The following KCNT2 variants were observed in gnomAD, a reference collection of about 807,000 sequenced individuals.
KCNT2 encodes potassium channel subfamily T member 2.
In KCNT2, 67 loss-of-function variants were observed where a neutral mutation model predicts 153.8. The ratio of observed to expected loss-of-function variants is 0.44; its 90% confidence interval spans 0.36 to 0.53. The LOEUF (loss-of-function observed/expected upper bound fraction) is 0.53, where lower values mean the gene tolerates loss of function less well. Among genes scored for constraint, KCNT2 ranks in the 20% least tolerant of loss-of-function variants. The pLI, the probability that KCNT2 is intolerant of heterozygous loss-of-function variation, is 0.00. For missense variants in KCNT2, 975 were observed against 1,354.8 expected, an observed-to-expected ratio of 0.72 and a Z score of 4.40; for synonymous variants, 500 against 458.8, an observed-to-expected ratio of 1.09 and a Z score of -1.15.
In KCNT2 at chr1:196,463,053, A is replaced by C. The variant is rs568178582; in HGVS notation, c.638+2240T>G. Among the ~76,000 whole-genome samples, 16 of 151,862 alleles carry C rather than the reference A, an allele frequency of 1.1e-4. No individual in the cohort carries two copies. The East Asian group carries it at 2.5e-3, about 24-fold the overall frequency. On this transcript the variant is annotated intron_variant, in intron 8 of 27. Coordinates refer to ENST00000294725, the MANE Select transcript of KCNT2 (RefSeq NM_198503.5). ...AGGGCAGCCATCTTGAACCATAGAC[A>C]GAAACCATGTTTTGAAAAATGGAAG...
intron 1 of KCNT2, among the ~76,000 whole-genome samples, chr1:196,592,413 A>T (rs1008199463): frequency 6.7e-6 from 1 of 149,408 alleles, no homozygotes; most frequent in African/African-American, 2.4e-5. Flanking sequence ...CCAAAGATAA[A>T]AAAGATATAT....
At chr1:196,443,981 C>T (rs1253427682) in intron 8 of KCNT2, among the ~76,000 whole-genome samples, 1 of 150,362 alleles carries the variant, frequency 6.7e-6, no homozygotes, top group African/African-American at 2.4e-5. Context: ...AGATATATTC[C>T]CAAAAGAAAA....
At chr1:196,568,496 T>C (rs1317266363) in intron 1 of KCNT2, among the ~76,000 whole-genome samples, 4 of 150,536 alleles carry the variant, frequency 2.7e-5, no homozygotes, top group African/African-American at 9.8e-5. Flanking sequence ...CACGGAAGCC[T>C]GAGGCAGGAA....
chr1:196,514,447 G>A (rs1681889332), intron 1 of KCNT2, among the ~76,000 whole-genome samples: 1 of 152,102 alleles, frequency 6.6e-6, no homozygotes, highest in Admixed American at 6.6e-5. Flanking sequence ...AAATGAATCA[G>A]TAGTAGTATC....
intron 8 of KCNT2, among the ~76,000 whole-genome samples, chr1:196,440,495 A>C (rs530090957): frequency 3.9e-5 from 6 of 152,168 alleles, no homozygotes; most frequent in Admixed American, 1.3e-4. Context: ...TGGTTTATAC[A>C]GAATATTTCA....
intron 8 of KCNT2, among the ~76,000 whole-genome samples, chr1:196,441,320 T>TA (rs1445069420): frequency 4.0e-5 from 6 of 151,240 alleles, no homozygotes; most frequent in South Asian, 2.1e-4. Flanking sequence ...CCCTTAAAAA[T>TA]AAAAAATATA....
intron 26 of KCNT2, among the ~76,000 whole-genome samples, chr1:196,257,001 T>C (rs1423719397): frequency 1.3e-5 from 2 of 152,128 alleles, no homozygotes; most frequent in Admixed American, 1.3e-4. Flanking sequence ...AAATTATTTG[T>C]CACAGATGAA....
chr1:196,340,814 A>C (rs1207765995), intron 15 of KCNT2, among the ~76,000 whole-genome samples: 2 of 151,972 alleles, frequency 1.3e-5, no homozygotes, highest in Admixed American at 6.6e-5. Context: ...ACATGAGTGC[A>C]TGTATACACT....
At position 196,229,161 on chromosome 1, in the gene KCNT2, T is replaced by C. The variant is rs181553666; in HGVS notation, c.3297-826A>G. On this transcript the variant is annotated intron_variant, in intron 27 of 27. Coordinates refer to ENST00000294725, the MANE Select transcript of KCNT2 (RefSeq NM_198503.5). ...ATTGCACTTTGCCAATATTGAATTA[T>C]TTATAAATGGAAGGTTTGTGGCAAC... Among the ~76,000 whole-genome samples the C allele has an allele frequency of 1.1e-3, 160 of 152,202 alleles. 1 individual carries two copies. Among genetic ancestry groups the C allele is most frequent in the African/African-American group, 3.7e-3 (153 of 41,566 alleles).
At position 196,273,526 on chromosome 1, in the gene KCNT2, C is replaced by T. The variant is rs1345525233; in HGVS notation, c.2910+7334G>A. 1.4e-5 allele frequency: 21 copies of T among 1,486,510 alleles called. No individual in the cohort carries two copies. In the East Asian group the frequency reaches 1.5e-4, roughly 11 times the overall value. 92.1% of individuals were successfully genotyped at this position (1,486,510 alleles called of 1,614,324 possible). ...GAGGGAAAAAGAAACACACAAAACA[C>T]AGTTTAAACAATGACTAAACAATAG... On this transcript the variant is annotated intron_variant, in intron 25 of 27. Coordinates refer to ENST00000294725, the MANE Select transcript of KCNT2 (RefSeq NM_198503.5).
chr1:196,278,213 T>C (rs2147858103), intron 25 of KCNT2, among the ~76,000 whole-genome samples: 1 of 152,302 alleles, frequency 6.6e-6, no homozygotes, highest in Middle Eastern at 3.4e-3. Context: ...GAAGTCAGGC[T>C]CAACTGTAGC....
rs1216199328 is a variant in KCNT2, at chr1:196,235,978, C to G, written c.3296+8G>C. On this transcript the variant is annotated splice_region_variant and intron_variant, in intron 27 of 27. Coordinates refer to ENST00000294725, the MANE Select transcript of KCNT2 (RefSeq NM_198503.5). ...ATCTGTCTTATATGAGATATGAGAT[C>G]AACTTACACAACATCATTCAGCTCT... 1 of 1,535,056 alleles carries G rather than the reference C, an allele frequency of 6.5e-7. No homozygotes were observed. Among genetic ancestry groups the G allele is most frequent in the Non-Finnish European group, 9.0e-7 (1 of 1,111,788 alleles).
chr1:196,457,588 T>G (rs1676788377), intron 8 of KCNT2, among the ~76,000 whole-genome samples: 1 of 149,160 alleles, frequency 6.7e-6, no homozygotes, highest in Non-Finnish European at 1.5e-5. Context: ...AAGAGAGTAA[T>G]TAAGGAAGTT....
At chr1:196,514,949 C>A (rs1681930728) in intron 1 of KCNT2, among the ~76,000 whole-genome samples, 1 of 152,122 alleles carries the variant, frequency 6.6e-6, no homozygotes, top group Non-Finnish European at 1.5e-5. Context: ...CAGCTCATTT[C>A]AAATAACAAA....
intron 13 of KCNT2, among the ~76,000 whole-genome samples, chr1:196,387,104 A>T (rs1670059859): frequency 6.6e-6 from 1 of 152,010 alleles, no homozygotes; most frequent in Admixed American, 6.6e-5. Context: ...TCTTGTTAGA[A>T]AAATGAGAAT....
intron 3 of KCNT2, among the ~76,000 whole-genome samples, chr1:196,485,638 T>TA (rs909732623): frequency 3.2e-4 from 46 of 144,908 alleles, no homozygotes; most frequent in East Asian, 1.4e-3. Context: ...TCAGAATCCA[T>TA]AAAAAAAAAA....
At position 196,468,985 on chromosome 1, in the gene KCNT2, A is replaced by T. The variant is rs78785543; in HGVS notation, c.459+9T>A. On this transcript the variant is annotated intron_variant, in intron 6 of 27. Transcript: ENST00000294725. ...AAAAGTGTTTTTTTAAGGTTCTTTTAGGACTTACTGAGATAATGAAGGGAA... is the reference window on the plus strand; with the variant it reads ...AAAAGTGTTTTTTTAAGGTTCTTTTTGGACTTACTGAGATAATGAAGGGAA... 7,570 of 1,558,146 alleles carry T rather than the reference A, an allele frequency of 4.9e-3. 336 individuals are homozygous for T. The East Asian group carries it at 0.12, about 24-fold the overall frequency.
At chr1:196,282,388 T>C (rs1277819647) in intron 23 of KCNT2, 32 bp from the exon 24 acceptor site, 1 of 1,068,466 alleles carries the variant, frequency 9.4e-7, no homozygotes, top group Non-Finnish European at 1.4e-6. Context: ...AATATATAAA[T>C]GTATATTTAT....
chr1:196,454,219 A>G (rs1676459384), intron 8 of KCNT2, among the ~76,000 whole-genome samples: 2 of 151,940 alleles, frequency 1.3e-5, no homozygotes, highest in African/African-American at 2.4e-5. Flanking sequence ...TATTTTTTAT[A>G]TAATTTAAAC....
Sources: allele counts gnomAD v4.1 joint callset (sites outside exome capture counted in the v4.1 genomes callset), GRCh38; gene constraint gnomAD v4.1.1; transcripts MANE v1.5; gene names NCBI Gene and HGNC (gene_info 2026-07-23, HGNC 2026-07-21).